DROSHA: variants seen among roughly 807,000 people sequenced by gnomAD.
The protein encoded by DROSHA is drosha ribonuclease III.
Under a neutral mutation model 181.9 loss-of-function variants are expected in DROSHA, and 56 were observed. That is an observed-to-expected ratio of 0.31 (90% CI 0.25 to 0.38). DROSHA has a LOEUF of 0.38. DROSHA is among the 10% of genes least tolerant of loss of function. The probability of loss-of-function intolerance (pLI) is 1.00; values close to 1 mark genes in which losing one functional copy is unlikely to be tolerated. For missense variants in DROSHA, 1,218 were observed against 1,743.5 expected, an observed-to-expected ratio of 0.70 and a Z score of 5.37; for synonymous variants, 524 against 591.2, an observed-to-expected ratio of 0.89 and a Z score of 1.65.
intron 14 of DROSHA, 28 bp from the exon 15 acceptor site, chr5:31,484,990 T>C: frequency 6.7e-7 from 1 of 1,493,616 alleles, no homozygotes. Context: ...ATTAAATTAC[T>C]GTAGTTTGGC....
chr5:31,421,112 T>A (rs1478741948), intron 30 of DROSHA, among the ~76,000 whole-genome samples, 160 bp downstream of exon 30: 2 of 152,262 alleles, frequency 1.3e-5, no homozygotes, highest in African/African-American at 2.4e-5. Flanking sequence ...TCATTGCATA[T>A]GTGCTTTGTA....
chr5:31,436,673 G>T (rs1021641409), intron 24 of DROSHA, among the ~76,000 whole-genome samples: 3 of 151,820 alleles, frequency 2.0e-5, no homozygotes, highest in Non-Finnish European at 4.4e-5. Context: ...GATTCCAGGC[G>T]TGAGCCACCG....
chr5:31,483,024 A>G (rs1271068922), intron 16 of DROSHA, among the ~76,000 whole-genome samples: 1 of 152,160 alleles, frequency 6.6e-6, no homozygotes, highest in Non-Finnish European at 1.5e-5. Flanking sequence ...AAAAATTAGA[A>G]AACAGTTAAA....
intron 18 of DROSHA, chr5:31,467,395 T>A (rs1006809400): frequency 1.3e-5 from 2 of 151,398 alleles, no homozygotes; most frequent in Non-Finnish European, 2.9e-5. Flanking sequence ...TTCCCACACA[T>A]CCTAAATCTT....
chr5:31,436,791 CACACACTA>C, intron 24 of DROSHA, among the ~76,000 whole-genome samples: 1 of 118,992 alleles, frequency 8.4e-6, no homozygotes, highest in Non-Finnish European at 1.8e-5. Context: ...CACACACACA[CACACACTA>C]GAAAATCTGG....
At chr5:31,464,800 C>T (rs1442085628) in intron 19 of DROSHA, among the ~76,000 whole-genome samples, 1 of 152,034 alleles carries the variant, frequency 6.6e-6, no homozygotes, top group African/African-American at 2.4e-5. Context: ...CAATGGCATA[C>T]TTTATATAAA....
chr5:31,409,365 C>A lies in DROSHA; in HGVS notation c.3668-33G>T. The stretch of plus-strand genomic sequence containing the variant: ...AAAAAGAATACTTTAAAATAAACCA[C>A]AATCACTGCCATCTATCAGAAAGAG... On this transcript the variant is annotated intron_variant, in intron 31 of 35. Coordinates refer to ENST00000344624, the MANE Select transcript of DROSHA (RefSeq NM_001382508.1). The surrounding 1 kb of genome is among the most constrained non-coding windows in gnomAD (Gnocchi z 4.0). The A allele has an allele frequency of 6.5e-7, 1 of 1,545,640 alleles. No individual in the cohort carries two copies. Among genetic ancestry groups the A allele is most frequent in the Non-Finnish European group, 8.8e-7 (1 of 1,142,104 alleles).
rs1580206643 is a variant in DROSHA, at chr5:31,470,716, A to T, written c.2241+1347T>A. Among the ~76,000 whole-genome samples the T allele has an allele frequency of 5.9e-5, 9 of 152,050 alleles. No homozygotes were observed. Among genetic ancestry groups the T allele is most frequent in the Admixed American group, 5.9e-4 (9 of 15,272 alleles). On this transcript the variant is annotated intron_variant, in intron 17 of 35. Transcript: ENST00000344624. This position sits in a 1 kb window ranked among gnomAD's most constrained non-coding sequence, Gnocchi z 4.0. ...CCAGGGTATCCTTAAGTTTTTTTTTAAACTCTCCAGCTGATTCTAGATTTC... is the reference window on the plus strand; with the variant it reads ...CCAGGGTATCCTTAAGTTTTTTTTTTAACTCTCCAGCTGATTCTAGATTTC...
chr5:31,518,099 G>A (rs887607878), intron 6 of DROSHA, among the ~76,000 whole-genome samples: 3 of 151,692 alleles, frequency 2.0e-5, no homozygotes, highest in Non-Finnish European at 2.9e-5. Context: ...TACACACCTC[G>A]GACAGGCGGT....
At chr5:31,439,260 T>C (rs1745256293) in intron 23 of DROSHA, among the ~76,000 whole-genome samples, 1 of 152,218 alleles carries the variant, frequency 6.6e-6, no homozygotes, top group South Asian at 2.1e-4. Flanking sequence ...TTGCATGCTG[T>C]TCTTCAACAT....
chr5:31,411,012 T>TA lies in DROSHA; in HGVS notation c.3526-126_3526-125insT. The TA allele has an allele frequency of 2.2e-6, 3 of 1,341,512 alleles. No individual in the cohort carries two copies. Among genetic ancestry groups the TA allele is most frequent in the Non-Finnish European group, 3.1e-6 (3 of 977,228 alleles). 83.1% of individuals were successfully genotyped at this position (1,341,512 alleles called of 1,614,324 possible). ...GGGACACCAAAATAAGTGAGGTCTA[T>TA]GGCCTCAACCATCACCCAGATGACA... On this transcript the variant is annotated intron_variant, in intron 30 of 35. Coordinates refer to ENST00000344624, the MANE Select transcript of DROSHA (RefSeq NM_001382508.1). The surrounding 1 kb of genome is among the most constrained non-coding windows in gnomAD (Gnocchi z 4.2).
chr5:31,420,469 A>G (rs1472554850), intron 30 of DROSHA, among the ~76,000 whole-genome samples: 1 of 152,224 alleles, frequency 6.6e-6, no homozygotes, highest in Non-Finnish European at 1.5e-5. Context: ...GTACGCAACA[A>G]ATAAAAAAGC....
intron 27 of DROSHA, among the ~76,000 whole-genome samples, chr5:31,427,663 T>G (rs1743650539): frequency 6.6e-6 from 1 of 152,178 alleles, no homozygotes; most frequent in Non-Finnish European, 1.5e-5. Context: ...CTAAGAATTA[T>G]TCAGCACCAG....
intron 6 of DROSHA, among the ~76,000 whole-genome samples, chr5:31,520,291 TTTTTC>T (rs1561290357): frequency 1.3e-5 from 2 of 152,216 alleles, no homozygotes; most frequent in African/African-American, 4.8e-5. Context: ...GTTATGTAGA[TTTTTC>T]TTTTATTTCC....
chr5:31,430,679 A>T (rs1744067864), intron 26 of DROSHA, among the ~76,000 whole-genome samples: 1 of 152,236 alleles, frequency 6.6e-6, no homozygotes, highest in African/African-American at 2.4e-5. Flanking sequence ...TTATGTGTAC[A>T]GAGCAAAGTA....
chr5:31,431,579 T>A lies in DROSHA; in HGVS notation c.3142A>T (p.Ile1048Leu). The A allele has an allele frequency of 6.2e-7, 1 of 1,613,868 alleles. No individual in the cohort carries two copies. The highest frequency in any genetic ancestry group is 8.5e-7 in the Non-Finnish European group (1 of 1,179,798). The change falls in exon 26 of 36, where the codon ATA (isoleucine) becomes TTA (leucine). Residue 1048 changes from isoleucine (I) to leucine (L), a missense_variant. Physicochemically the swap from Ile to Leu is conservative, Grantham distance 5. Coordinates refer to ENST00000344624, the MANE Select transcript of DROSHA (RefSeq NM_001382508.1). The part of the protein sequence containing the change: ...HAMANCFEAL[I>L]GAVYLEGSLE... The stretch of plus-strand genomic sequence containing the variant: ...TCTTGAAGAAGAGAGAAATTACCTA[T>A]TAACGCTTCAAAACAATTGGCCATT...
At chr5:31,472,264 A>G (rs1749818372) in intron 16 of DROSHA, 32 bp from the exon 17 acceptor site, 4 of 1,555,498 alleles carry the variant, frequency 2.6e-6, no homozygotes, top group African/African-American at 2.7e-5. Context: ...AGAGAAGGGG[A>G]AAAATAAGGC....
Position 31,531,977 on chromosome 5 carries a change from G to C in DROSHA, c.-250+13C>G, listed in dbSNP as rs532192403. The C allele has an allele frequency of 4.7e-6, 1 of 211,728 alleles. No homozygotes were observed. The highest frequency in any genetic ancestry group is 6.0e-5 in the South Asian group (1 of 16,802). The allele number at this position is 211,728 out of a possible 1,614,324, so 13.1% of individuals were successfully genotyped here. ...GAAACTCTCTTCTAACACTTGCAAG[G>C]TACCCCTTTTACCTATAAAAGGCTC... On this transcript the variant is annotated intron_variant, in intron 1 of 35. Coordinates refer to ENST00000344624, the MANE Select transcript of DROSHA (RefSeq NM_001382508.1).
In DROSHA at chr5:31,526,385, T is replaced by C; in HGVS notation, c.548A>G (p.Asn183Ser). ...SHHNFPPPSF[N>S]SFQNNPSSFL... is the part of the protein sequence containing the mutation. ...AGAACTAGGGTTGTTCTGGAAACTA[T>C]TAAAACTGGGAGGTGGGAAGTTGTG... is the stretch of plus-strand genomic sequence containing the variant. The change falls in exon 5 of 36, where the codon AAT becomes AGT. Residue 183 changes from asparagine to serine, a missense_variant. By Grantham distance (46) the Asn-to-Ser change is conservative. Around this residue, in one of 8 missense-constraint regions of DROSHA, gnomAD observed 536 missense variants for 535.4 expected, o/e 1.00. Transcript: ENST00000344624. 1 of 1,613,552 alleles carries C rather than the reference T, an allele frequency of 6.2e-7. No individual in the cohort carries two copies. Among genetic ancestry groups the C allele is most frequent in the Non-Finnish European group, 8.5e-7 (1 of 1,179,816 alleles).
Sources: allele counts gnomAD v4.1 joint callset (sites outside exome capture counted in the v4.1 genomes callset), GRCh38; gene constraint gnomAD v4.1.1; regional missense constraint gnomAD v4.1.1; non-coding constraint Gnocchi (gnomAD v3.1); transcripts MANE v1.5; gene names NCBI Gene and HGNC (gene_info 2026-07-23, HGNC 2026-07-21).